SOS2: variants seen among roughly 807,000 people sequenced by gnomAD.
SOS2 encodes son of sevenless homolog 2.
Under a neutral mutation model 148.2 loss-of-function variants are expected in SOS2, and 65 were observed. The observed-to-expected ratio is 0.44, with a 90% CI of 0.36 to 0.54. The LOEUF is 0.54. Ranked by LOEUF, SOS2 falls within the 20% of genes least tolerant of loss-of-function variation. The pLI is 0.00. For missense variants in SOS2, 1,341 were observed against 1,590.2 expected (o/e 0.84, Z 2.67); for synonymous variants, 539 against 537.1 (o/e 1.00, Z -0.05).
At chr14:50,146,016 C>G (rs917026519) in intron 14 of SOS2, among the ~76,000 whole-genome samples, 2 of 151,958 alleles carry the variant, frequency 1.3e-5, no homozygotes, top group Admixed American at 1.3e-4. Context: ...GCCTGTAATC[C>G]CAGCTACTTG....
intron 1 of SOS2, among the ~76,000 whole-genome samples, chr14:50,215,913 C>T (rs181322832): frequency 5.3e-5 from 8 of 152,220 alleles, no homozygotes; most frequent in Admixed American, 5.2e-4. Flanking sequence ...TGCACTTGTT[C>T]AGTAATTAAC....
chr14:50,147,416 G>A (rs1210873523), intron 14 of SOS2, among the ~76,000 whole-genome samples: 1 of 151,168 alleles, frequency 6.6e-6, no homozygotes, highest in Non-Finnish European at 1.5e-5. Flanking sequence ...AGAGGCTGAG[G>A]CAGGAGGATT....
At chr14:50,138,284 G>T (rs933542344) in intron 18 of SOS2, among the ~76,000 whole-genome samples, 4 of 152,066 alleles carry the variant, frequency 2.6e-5, no homozygotes, top group Non-Finnish European at 5.9e-5. Flanking sequence ...AGACTCCTGA[G>T]TAGCTGGGAC....
At chr14:50,204,018 A>C (rs1004128208) in intron 2 of SOS2, among the ~76,000 whole-genome samples, 1 of 152,008 alleles carries the variant, frequency 6.6e-6, no homozygotes, top group African/African-American at 2.4e-5. Flanking sequence ...ATCCATTTTG[A>C]ATTAATTTTT....
chr14:50,231,095 C>T (rs756110335), intron 1 of SOS2, 102 bp downstream of exon 1: 1 of 672,180 alleles, frequency 1.5e-6, no homozygotes, highest in Non-Finnish European at 2.1e-6. Context: ...AGAAACGGCT[C>T]GGCCCCGGGG....
At chr14:50,135,287 C>T (rs1296376318) in intron 18 of SOS2, among the ~76,000 whole-genome samples, 1 of 151,392 alleles carries the variant, frequency 6.6e-6, no homozygotes, top group African/African-American at 2.4e-5. Context: ...ATGGTGAGAC[C>T]TCTCCTCTTA....
At chr14:50,138,889 A>G in intron 17 of SOS2, 105 bp from the exon 18 acceptor site, 1 of 459,412 alleles carries the variant, frequency 2.2e-6, no homozygotes, top group Non-Finnish European at 3.7e-6. Flanking sequence ...AAGACATCCT[A>G]TACTATTCAG....
At position 50,149,315 on chromosome 14, in the gene SOS2, C is replaced by T. The variant is rs1358322838; in HGVS notation, c.2384+693G>A. ...TATACACAGTGGAACACTATTCGGC[C>T]ATAAAAAAAGAATGAAAGCCTGTCG... On this transcript the variant is annotated intron_variant, in intron 14 of 22. Coordinates refer to ENST00000216373, the MANE Select transcript of SOS2 (RefSeq NM_006939.4). Among the ~76,000 whole-genome samples, 3 of 151,936 alleles carry T rather than the reference C, an allele frequency of 2.0e-5. No individual in the cohort carries two copies. In the East Asian group the frequency reaches 5.8e-4, roughly 29 times the overall value.
intron 4 of SOS2, among the ~76,000 whole-genome samples, chr14:50,189,061 T>TCACACACACACACACACA (rs10599812): frequency 1.6e-5 from 2 of 128,688 alleles, no homozygotes; most frequent in African/African-American, 2.9e-5. Flanking sequence ...CGAGACTCCA[T>TCACACACACACACACACA]CACACACACA....
chr14:50,227,868 T>TATAGAC (rs1316776107), intron 1 of SOS2, among the ~76,000 whole-genome samples: 1 of 152,204 alleles, frequency 6.6e-6, no homozygotes, highest in Non-Finnish European at 1.5e-5. Flanking sequence ...TATACATGGA[T>TATAGAC]ATAGACATAG....
intron 1 of SOS2, among the ~76,000 whole-genome samples, chr14:50,228,587 T>G (rs1158947695): frequency 6.6e-6 from 1 of 152,178 alleles, no homozygotes; most frequent in Non-Finnish European, 1.5e-5. Flanking sequence ...AAGTGATGAC[T>G]TTACCTTTCT....
chr14:50,199,339 C>T (rs1445773887), intron 4 of SOS2, among the ~76,000 whole-genome samples: 1 of 152,172 alleles, frequency 6.6e-6, no homozygotes, highest in African/African-American at 2.4e-5. Context: ...CTAAGCTATG[C>T]TGTGAAACCA....
Position 50,197,855 on chromosome 14 carries a change from C to T in SOS2, c.510+1836G>A, listed in dbSNP as rs545684140. On this transcript the variant is annotated intron_variant, in intron 4 of 22. Coordinates refer to ENST00000216373, the MANE Select transcript of SOS2 (RefSeq NM_006939.4). ...AGGCATATGCCACCATGCCCAGCTA[C>T]TTTTTTTGTATTTTTAGTAGAGACG... 2.6e-3 allele frequency among the ~76,000 whole-genome samples: 397 copies of T among 151,894 alleles called. 1 individual carries two copies. The highest frequency in any genetic ancestry group is 4.3e-3 in the Non-Finnish European group (295 of 67,912).
rs1887533319 is a variant in SOS2 at position 50,231,182 on chromosome 14, GC to G, written c.87+14del. On this transcript the variant is annotated intron_variant, in intron 1 of 22. Coordinates refer to ENST00000216373, the MANE Select transcript of SOS2 (RefSeq NM_006939.4). ...CCACGGGCCACCCGCCGGCCGCCCC[GC>G]CCCTAGCACTGACCTTCCGCAGGGC... is the stretch of plus-strand genomic sequence containing the variant. 2 of 1,393,892 alleles carry G rather than the reference GC, an allele frequency of 1.4e-6. No individual in the cohort carries two copies. The highest frequency in any genetic ancestry group is 1.9e-6 in the Non-Finnish European group (2 of 1,049,126). The allele number at this position is 1,393,892 out of a possible 1,614,324, so 86.3% of individuals were successfully genotyped here.
intron 1 of SOS2, among the ~76,000 whole-genome samples, chr14:50,215,071 C>A (rs1415124803): frequency 6.6e-6 from 1 of 151,714 alleles, no homozygotes; most frequent in Non-Finnish European, 1.5e-5. Context: ...CTCCTGACCT[C>A]GTGATCTGCC....
At chr14:50,186,980 A>G (rs1184749201) in intron 5 of SOS2, among the ~76,000 whole-genome samples, 1 of 152,158 alleles carries the variant, frequency 6.6e-6, no homozygotes, top group African/African-American at 2.4e-5. Flanking sequence ...TTTGTGGAGG[A>G]AGTTAGGAGG....
intron 19 of SOS2, among the ~76,000 whole-genome samples, chr14:50,132,194 G>A (rs1312067180): frequency 6.6e-6 from 1 of 151,916 alleles, no homozygotes; most frequent in African/African-American, 2.4e-5. Flanking sequence ...TGGAAGTGTG[G>A]TCCAGTCAAA....
intron 14 of SOS2, among the ~76,000 whole-genome samples, chr14:50,146,840 A>G (rs1327299019): frequency 6.6e-6 from 1 of 152,146 alleles, no homozygotes; most frequent in Admixed American, 6.5e-5. Context: ...ACAAATGCCA[A>G]AAATGATTTA....
At chr14:50,217,538 T>C (rs1214439114) in intron 1 of SOS2, among the ~76,000 whole-genome samples, 1 of 151,960 alleles carries the variant, frequency 6.6e-6, no homozygotes, top group Admixed American at 6.6e-5. Flanking sequence ...GTCTCTATTT[T>C]TGAAAATTAA....
Sources: allele counts gnomAD v4.1 joint callset (sites outside exome capture counted in the v4.1 genomes callset), GRCh38; gene constraint gnomAD v4.1.1; transcripts MANE v1.5; gene names NCBI Gene and HGNC (gene_info 2026-07-23, HGNC 2026-07-21).